Variants in MYO9A observed in about 807,000 individuals in gnomAD.
MYO9A encodes unconventional myosin-IXa.
A neutral mutation model predicts 293.3 loss-of-function variants in MYO9A; 103 were observed. The ratio of observed to expected loss-of-function variants is 0.35; its 90% CI spans 0.30 to 0.41. MYO9A has a LOEUF of 0.41. Ranked by LOEUF, MYO9A falls within the 10% of genes least tolerant of loss-of-function variation. The pLI, the probability that MYO9A is intolerant of heterozygous loss-of-function variation, is 1.00. For synonymous variants in MYO9A, 1,001 were observed against 1,035.7 expected (o/e 0.97, Z 0.64); for missense variants, 2,685 against 3,033.0 (o/e 0.89, Z 2.69).
intron 1 of MYO9A, among the ~76,000 whole-genome samples, chr15:72,061,946 G>A (rs1017911619): frequency 1.3e-5 from 2 of 152,184 alleles, no homozygotes; most frequent in East Asian, 1.9e-4. Context: ...TGGTGGTCAC[G>A]GCGGTGCTTG....
At chr15:71,923,440 C>T (rs909796556) in intron 18 of MYO9A, among the ~76,000 whole-genome samples, 1 of 152,206 alleles carries the variant, frequency 6.6e-6, no homozygotes, top group African/African-American at 2.4e-5. Flanking sequence ...AGGACTGAGA[C>T]TCATTCTTCT....
intron 16 of MYO9A, among the ~76,000 whole-genome samples, chr15:71,938,440 T>C (rs1406512767): frequency 6.6e-6 from 1 of 152,124 alleles, no homozygotes; most frequent in Non-Finnish European, 1.5e-5. Context: ...AGGTAAGCTT[T>C]GGTAATCGCA....
At chr15:72,023,254 ACT>A (rs891531014) in intron 4 of MYO9A, among the ~76,000 whole-genome samples, 1 of 152,084 alleles carries the variant, frequency 6.6e-6, no homozygotes, top group African/African-American at 2.4e-5. Flanking sequence ...AGGTCAATTG[ACT>A]CTCGTCTAAG....
At chr15:72,027,863 C>A in intron 3 of MYO9A, 70 bp from the exon 4 acceptor site, 1 of 1,159,320 alleles carries the variant, frequency 8.6e-7, no homozygotes, top group South Asian at 1.4e-5. Flanking sequence ...TATTTGGAGA[C>A]AGTGTAAAAG....
intron 1 of MYO9A, among the ~76,000 whole-genome samples, chr15:72,077,733 GAAAAAAAAAA>G (rs60518266): frequency 2.4e-4 from 21 of 87,408 alleles, no homozygotes; most frequent in African/African-American, 6.2e-4. Context: ...CTGTCTCAAA[GAAAAAAAAAA>G]AAAAAAAAAA....
chr15:72,005,047 A>ACT (rs1028884842), intron 8 of MYO9A, among the ~76,000 whole-genome samples: 31 of 152,290 alleles, frequency 2.0e-4, no homozygotes, highest in African/African-American at 7.2e-4. Context: ...GTCTTAACCA[A>ACT]CTAGAGGCAA....
intron 1 of MYO9A, among the ~76,000 whole-genome samples, chr15:72,051,887 T>C (rs2078576227): frequency 6.6e-6 from 1 of 152,062 alleles, no homozygotes; most frequent in South Asian, 2.1e-4. Flanking sequence ...AGGTCCCTGG[T>C]GAAACCCCAC....
intron 1 of MYO9A, among the ~76,000 whole-genome samples, chr15:72,108,919 C>A (rs527907850): frequency 6.6e-6 from 1 of 152,090 alleles, no homozygotes; most frequent in African/African-American, 2.4e-5. Flanking sequence ...CCCACCACCA[C>A]GCCCAGCTAA....
intron 1 of MYO9A, among the ~76,000 whole-genome samples, chr15:72,105,502 CTTTTTT>C (rs35861022): frequency 3.4e-5 from 3 of 89,288 alleles, no homozygotes; most frequent in Admixed American, 1.3e-4. Context: ...GCTGGGAAAG[CTTTTTT>C]TTTTTTTTTT....
At chr15:71,892,854 C>T (rs1329624034) in intron 26 of MYO9A, 1 of 625,342 alleles carries the variant, frequency 1.6e-6, no homozygotes, top group African/African-American at 1.9e-5. Flanking sequence ...ACTGAGGTTT[C>T]CCATGCACAA....
intron 1 of MYO9A, among the ~76,000 whole-genome samples, chr15:72,089,255 T>G (rs2079833109): frequency 6.6e-6 from 1 of 152,118 alleles, no homozygotes; most frequent in Admixed American, 6.6e-5. Flanking sequence ...CTCAACCTCC[T>G]GGGCTCAAGC....
At chr15:71,911,207 T>C (rs1233866252) in intron 19 of MYO9A, among the ~76,000 whole-genome samples, 1 of 152,242 alleles carries the variant, frequency 6.6e-6, no homozygotes, top group Admixed American at 6.5e-5. Context: ...GTAGCTATTC[T>C]AGAACACTTA....
intron 26 of MYO9A, chr15:71,893,067 G>A (rs749889674): frequency 7.3e-5 from 94 of 1,289,844 alleles, no homozygotes; most frequent in Non-Finnish European, 8.4e-5. Context: ...TAATGTCATC[G>A]TAATCATCTT....
chr15:72,108,859 T>C (rs1202728832), intron 1 of MYO9A, among the ~76,000 whole-genome samples: 3 of 149,818 alleles, frequency 2.0e-5, no homozygotes, highest in Admixed American at 6.7e-5. Flanking sequence ...ACCTCCCAGG[T>C]TGAAGTGATT....
chr15:71,939,009 A>G, intron 15 of MYO9A, 82 bp from the exon 16 acceptor site: 1 of 1,069,326 alleles, frequency 9.4e-7, no homozygotes, highest in Non-Finnish European at 1.4e-6. Context: ...AAGACAAACG[A>G]AAATTTAATC....
intron 13 of MYO9A, among the ~76,000 whole-genome samples, chr15:71,967,744 T>C (rs981024474): frequency 1.3e-5 from 2 of 152,176 alleles, no homozygotes; most frequent in Non-Finnish European, 2.9e-5. Context: ...AGATCTAAAG[T>C]TTATCAGGAT....
chr15:72,047,582 T>C (rs1596465565), intron 1 of MYO9A, among the ~76,000 whole-genome samples: 3 of 152,182 alleles, frequency 2.0e-5, no homozygotes, highest in African/African-American at 7.2e-5. Context: ...TCCTGTCTTC[T>C]ACTGAGAAAA....
chr15:72,002,308 C>T (rs1327654863), intron 8 of MYO9A, among the ~76,000 whole-genome samples: 6 of 150,386 alleles, frequency 4.0e-5, no homozygotes, highest in South Asian at 4.2e-4. Flanking sequence ...AGTGCAATGG[C>T]GCAATCCTGG....
At chr15:71,893,907 A>G in intron 25 of MYO9A, 129 bp from the exon 26 acceptor site, 1 of 724,382 alleles carries the variant, frequency 1.4e-6, no homozygotes, top group South Asian at 1.9e-5. Flanking sequence ...ATTAAGTCAT[A>G]TTTTTTCTGC....
Sources: gnomAD v4.1 joint callset for allele counts (sites outside exome capture counted in the v4.1 genomes callset) on GRCh38, gnomAD v4.1.1 for gene constraint, MANE v1.5 for transcripts, NCBI Gene and HGNC (gene_info 2026-07-23, HGNC 2026-07-21) for gene names.